The following AHCTF1 variants were observed in gnomAD, a reference collection of about 807,000 sequenced individuals.
The protein encoded by AHCTF1 is protein ELYS.
Under a neutral mutation model 248.4 loss-of-function variants are expected in AHCTF1, and 24 were observed. That is an observed-to-expected ratio of 0.10 (90% CI 0.07 to 0.14). The LOEUF is 0.14. Ranked by LOEUF, AHCTF1 falls within the 10% of genes least tolerant of loss-of-function variation. The pLI is 1.00. For synonymous variants in AHCTF1, 786 were observed against 929.8 expected (o/e 0.85, Z 2.81); for missense variants, 2,206 against 2,636.2 (o/e 0.84, Z 3.57).
chr1:246,900,099 G>A lies in AHCTF1; in HGVS notation c.1398C>T (p.Pro466=), dbSNP rs181212014. 56 of 1,605,742 alleles carry A rather than the reference G, an allele frequency of 3.5e-5. No homozygotes were observed. Among genetic ancestry groups the A allele is most frequent in the African/African-American group, 2.8e-4 (21 of 74,596 alleles). Reference sequence around the variant, plus strand: ...AAGTGCTTGGATTAAAAAACTGCTCGGGAGGTGGATATGAAGGAGGGACTC... The same window carrying A: ...AAGTGCTTGGATTAAAAAACTGCTCAGGAGGTGGATATGAAGGAGGGACTC... The part of the protein sequence containing the change: ...NRGVPPSYPP[P]EQFFNPSTYN... The change falls in exon 10 of 36, where the codon CCC becomes CCT. Residue 466 remains proline, a synonymous_variant. Transcript: ENST00000648844.
rs1265793501 is a variant in AHCTF1, at chr1:246,840,812, C to T, written c.6795G>A (p.Met2265Ile). Residue 2265 changes from methionine (M) to isoleucine (I), a missense_variant, in exon 36 of 36, where the codon ATG becomes ATA. Physicochemically the swap from Met to Ile is conservative, Grantham distance 10. Coordinates refer to ENST00000648844, the MANE Select transcript of AHCTF1 (RefSeq NM_001323342.2). ...TTAAAATCTTCCCAAGAAATTACAG[C>T]ATTTTTCTGCGTAAAATTTGCTTTG... is the stretch of plus-strand genomic sequence containing the variant. ...SYPKQILRRK[M>I]L The T allele has an allele frequency of 6.3e-7, 1 of 1,595,908 alleles. No homozygotes were observed. Among genetic ancestry groups the T allele is most frequent in the Non-Finnish European group, 8.5e-7 (1 of 1,173,368 alleles).
intron 14 of AHCTF1, among the ~76,000 whole-genome samples, chr1:246,892,568 G>T (rs919337864): frequency 1.3e-5 from 2 of 151,900 alleles, no homozygotes; most frequent in African/African-American, 4.8e-5. Flanking sequence ...TGATCCGCCC[G>T]CCTCGGCCTC....
chr1:246,917,511 G>T (rs1666229460), intron 2 of AHCTF1, among the ~76,000 whole-genome samples: 1 of 152,134 alleles, frequency 6.6e-6, no homozygotes, highest in Non-Finnish European at 1.5e-5. Context: ...TCAAATAAAT[G>T]ATTTCATTCT....
At chr1:246,902,715 G>T in intron 7 of AHCTF1, 40 bp from the exon 8 acceptor site, 1 of 1,494,514 alleles carries the variant, frequency 6.7e-7, no homozygotes, top group African/African-American at 1.4e-5. Context: ...TCTGATTCTA[G>T]GCAAAAAGTC....
At chr1:246,868,204 C>G (rs1268763003) in intron 24 of AHCTF1, among the ~76,000 whole-genome samples, 1 of 151,458 alleles carries the variant, frequency 6.6e-6, no homozygotes, top group East Asian at 1.9e-4. Flanking sequence ...TCTTGGCTCA[C>G]TGCAACCTCT....
At position 246,902,647 on chromosome 1, in the gene AHCTF1, G is replaced by A. The variant is rs748294594; in HGVS notation, c.995C>T (p.Thr332Ile). The A allele has an allele frequency of 3.7e-6, 6 of 1,613,224 alleles. No homozygotes were observed. In the East Asian group the frequency reaches 1.3e-4, roughly 36 times the overall value. Residue 332 changes from threonine to isoleucine, a missense_variant, in exon 8 of 36, where the codon ACC becomes ATC. Physicochemically the swap from Thr to Ile is moderately conservative, Grantham distance 89. Around this residue, in one of 6 missense-constraint regions of AHCTF1, gnomAD observed 650 missense variants for 870.8 expected, o/e 0.75. Coordinates refer to ENST00000648844, the MANE Select transcript of AHCTF1 (RefSeq NM_001323342.2). ...EGLEYCEERY[T>I]LDLTGGMFPL... ...GAACATGCCACCTGTCAGGTCCAGG[G>A]TGTATCTTTCTTCACAGTATTCTAA...
chr1:246,898,085 C>A, intron 12 of AHCTF1, 123 bp downstream of exon 12: 2 of 1,319,630 alleles, frequency 1.5e-6, no homozygotes, highest in Admixed American at 4.5e-5. Context: ...TGCTGATCAC[C>A]CAGAGTCAGC....
At chr1:246,918,190 T>G in intron 2 of AHCTF1, 60 bp downstream of exon 2, 4 of 1,469,766 alleles carry the variant, frequency 2.7e-6, no homozygotes, top group Non-Finnish European at 3.6e-6. Flanking sequence ...AATATATACT[T>G]ATTATTATTT....
chr1:246,903,716 G>A (rs1260679231), intron 7 of AHCTF1, among the ~76,000 whole-genome samples: 1 of 149,320 alleles, frequency 6.7e-6, no homozygotes, highest in Non-Finnish European at 1.5e-5. Flanking sequence ...GCGGGCACCT[G>A]TAATCCCAGC....
At chr1:246,899,600 G>T in intron 10 of AHCTF1, 88 bp from the exon 11 acceptor site, 1 of 907,922 alleles carries the variant, frequency 1.1e-6, no homozygotes, top group Non-Finnish European at 1.7e-6. Context: ...AGACTGCAAG[G>T]CAAGGTGTCA....
At chr1:246,904,100 T>A (rs1000566549) in intron 6 of AHCTF1, 67 bp from the exon 7 acceptor site, 27 of 1,386,226 alleles carry the variant, frequency 1.9e-5, no homozygotes, top group Middle Eastern at 1.8e-4. Context: ...ACTGTCCAAG[T>A]AAGTTTAGTT....
At chr1:246,882,616 C>A (rs945397777) in intron 21 of AHCTF1, among the ~76,000 whole-genome samples, 1 of 152,136 alleles carries the variant, frequency 6.6e-6, no homozygotes, top group Non-Finnish European at 1.5e-5. Flanking sequence ...AAAAGGACAG[C>A]AAAATAAACC....
At chr1:246,866,563 A>G (rs914073437) in intron 26 of AHCTF1, among the ~76,000 whole-genome samples, 3 of 152,138 alleles carry the variant, frequency 2.0e-5, no homozygotes, top group African/African-American at 7.2e-5. Flanking sequence ...TCTTTTTCTT[A>G]GCATCAAAAA....
chr1:246,894,352 C>T (rs1478216249), intron 14 of AHCTF1, among the ~76,000 whole-genome samples: 1 of 152,118 alleles, frequency 6.6e-6, no homozygotes, highest in African/African-American at 2.4e-5. Context: ...GCGGGCGGAT[C>T]ACAACGTCAG....
At position 246,849,498 on chromosome 1, in the gene AHCTF1, T is replaced by G. The variant is rs891745008; in HGVS notation, c.6391+117A>C. ...AACTTTACTACTAAAAGATCAATTTTGGTTTGAGGGGGGAAGGGGAAAAAT... is the reference window on the plus strand; with the variant it reads ...AACTTTACTACTAAAAGATCAATTTGGGTTTGAGGGGGGAAGGGGAAAAAT... On this transcript the variant is annotated intron_variant, in intron 33 of 35. Coordinates refer to ENST00000648844, the MANE Select transcript of AHCTF1 (RefSeq NM_001323342.2). The G allele has an allele frequency of 5.4e-6, 7 of 1,294,142 alleles. No individual in the cohort carries two copies. The African/African-American group carries it at 9.0e-5, about 17-fold the overall frequency. The allele number at this position is 1,294,142 out of a possible 1,614,324, so 80.2% of individuals were successfully genotyped here.
chr1:246,926,981 T>C (rs1200679545), intron 1 of AHCTF1, among the ~76,000 whole-genome samples: 1 of 151,474 alleles, frequency 6.6e-6, no homozygotes, highest in Non-Finnish European at 1.5e-5. Context: ...GAGACCATCC[T>C]GGCTAACAAG....
Position 246,851,002 on chromosome 1 carries a change from A to C in AHCTF1, c.5004T>G (p.Ile1668Met). 6.2e-7 allele frequency: 1 copy of C among 1,613,966 alleles called. No individual in the cohort carries two copies. Among genetic ancestry groups the C allele is most frequent in the Non-Finnish European group, 8.5e-7 (1 of 1,179,870 alleles). ...PYVPEPIKVA[I>M]AENLLDVIKD... ...TAATTACATCTAGTAAATTTTCTGC[A>C]ATTGCTACTTTAATAGGTTCAGGCA... The change falls in exon 33 of 36, where the codon ATT becomes ATG. Residue 1668 changes from isoleucine to methionine, a missense_variant. Transcript: ENST00000648844.
intron 7 of AHCTF1, among the ~76,000 whole-genome samples, chr1:246,902,884 A>G (rs1407685377): frequency 1.3e-5 from 2 of 152,204 alleles, no homozygotes; most frequent in African/African-American, 2.4e-5. Flanking sequence ...ATAATTACCA[A>G]CAAGTCTTCT....
chr1:246,881,861 A>C lies in AHCTF1; in HGVS notation c.2660+3632T>G, dbSNP rs558500066. ...TCAAAAAAAAAAACCAAAAAAAAAA[A>C]CAAAAAAAAAAGAAGAAGGGTCTCC... On this transcript the variant is annotated intron_variant, in intron 21 of 35. Transcript: ENST00000648844. Among the ~76,000 whole-genome samples, 214 of 149,322 alleles carry C rather than the reference A, an allele frequency of 1.4e-3. 1 individual carries two copies. Among genetic ancestry groups the C allele is most frequent in the Middle Eastern group, 3.4e-3 (1 of 292 alleles).
Sources: allele counts gnomAD v4.1 joint callset (sites outside exome capture counted in the v4.1 genomes callset), GRCh38; gene constraint gnomAD v4.1.1; regional missense constraint gnomAD v4.1.1; transcripts MANE v1.5; gene names NCBI Gene and HGNC (gene_info 2026-07-23, HGNC 2026-07-21).